The following BNIP1 variants were observed in gnomAD, a reference collection of about 807,000 sequenced individuals.
BNIP1 encodes the protein vesicle transport protein SEC20.
A neutral mutation model predicts 28.5 loss-of-function variants in BNIP1; 25 were observed. The ratio of observed to expected loss-of-function variants is 0.88; its 90% CI spans 0.64 to 1.23. The LOEUF (loss-of-function observed/expected upper bound fraction) is 1.23, where lower values mean the gene tolerates loss of function less well. Among genes scored for constraint, BNIP1 ranks in the 50% most tolerant of loss-of-function variants. The pLI is 0.00. For missense variants in BNIP1, 276 were observed against 277.0 expected (o/e 1.00, Z 0.02); for synonymous variants, 118 against 101.7 (o/e 1.16, Z -0.96).
intron 1 of BNIP1, among the ~76,000 whole-genome samples, chr5:173,146,506 G>T (rs1192883679): frequency 6.6e-6 from 1 of 152,156 alleles, no homozygotes. Flanking sequence ...AGGATCTAAG[G>T]TTCTAAAGTG....
At chr5:173,157,799 CGCCG>C in intron 3 of BNIP1, among the ~76,000 whole-genome samples, 1 of 152,210 alleles carries the variant, frequency 6.6e-6, no homozygotes, top group Middle Eastern at 3.4e-3. Flanking sequence ...ACTGTAGATC[CGCCG>C]TGTCAGTCAG....
At chr5:173,161,765 C>CGGGGG (rs1353536404) in intron 5 of BNIP1, 1 of 152,190 alleles carries the variant, frequency 6.6e-6, no homozygotes, top group African/African-American at 2.4e-5. Context: ...AGCAGGATTT[C>CGGGGG]AGAGGTTGGT....
chr5:173,160,298 G>T (rs568221679), intron 5 of BNIP1, among the ~76,000 whole-genome samples: 11 of 150,476 alleles, frequency 7.3e-5, no homozygotes, highest in Non-Finnish European at 1.3e-4. Context: ...GCAATGGTGC[G>T]ATCTCAGCTC....
chr5:173,149,224 C>T (rs1012648547), intron 2 of BNIP1, among the ~76,000 whole-genome samples: 2 of 152,152 alleles, frequency 1.3e-5, no homozygotes, highest in East Asian at 1.9e-4. Flanking sequence ...TAAAGACATA[C>T]GTGAGACTGG....
At chr5:173,163,243 C>T (rs192449439) in intron 5 of BNIP1, among the ~76,000 whole-genome samples, 112 of 152,310 alleles carry the variant, frequency 7.4e-4, no homozygotes, top group Middle Eastern at 3.4e-3. Context: ...CGGCAGAGCC[C>T]GGGACACCCT....
At chr5:173,148,770 GT>G (rs2113839782) in intron 2 of BNIP1, among the ~76,000 whole-genome samples, 1 of 137,816 alleles carries the variant, frequency 7.3e-6, no homozygotes, top group African/African-American at 2.6e-5. Context: ...TTCTTCTTCA[GT>G]TATTCAAATT....
intron 3 of BNIP1, 43 bp downstream of exon 3, chr5:173,154,456 C>G: frequency 6.6e-7 from 1 of 1,510,912 alleles, no homozygotes. Context: ...GCTGGCTCTT[C>G]TTGTTGCCTG....
chr5:173,151,768 C>T, intron 2 of BNIP1: 1 of 1,597,904 alleles, frequency 6.3e-7, no homozygotes, highest in Non-Finnish European at 8.5e-7. Context: ...ATTAAAATGA[C>T]CTCACCAATA....
intron 5 of BNIP1, 70 bp downstream of exon 5, chr5:173,160,121 C>T (rs1040445754): frequency 7.1e-7 from 1 of 1,403,632 alleles, no homozygotes; most frequent in Non-Finnish European, 9.9e-7. Context: ...CTGGCACCTC[C>T]ACTCTGGGCT....
intron 4 of BNIP1, among the ~76,000 whole-genome samples, 171 bp downstream of exon 4, chr5:173,159,016 G>T (rs1330067379): frequency 6.6e-6 from 1 of 151,860 alleles, no homozygotes; most frequent in Admixed American, 6.6e-5. Flanking sequence ...AATAAAGTAT[G>T]AATTACAAAA....
intron 3 of BNIP1, 124 bp downstream of exon 3, chr5:173,154,537 T>C: frequency 5.8e-6 from 4 of 693,810 alleles, no homozygotes; most frequent in Non-Finnish European, 9.3e-6. Context: ...TTTTTTTTTT[T>C]TGAGAGACGG....
intron 3 of BNIP1, among the ~76,000 whole-genome samples, chr5:173,158,412 G>C (rs5745157): frequency 0.099 from 15,098 of 152,272 alleles, 1,035 homozygotes; most frequent in African/African-American, 0.15. Flanking sequence ...TGACCAGCTG[G>C]GAAGTTTGGA....
At chr5:173,149,334 G>A (rs977034826) in intron 2 of BNIP1, among the ~76,000 whole-genome samples, 2 of 152,114 alleles carry the variant, frequency 1.3e-5, no homozygotes, top group African/African-American at 4.8e-5. Flanking sequence ...ATGGATGGCA[G>A]CAGGCAAAGA....
chr5:173,163,846 C>T lies in BNIP1; in HGVS notation c.612C>T (p.Leu204=), dbSNP rs1183250656. 1.9e-6 allele frequency: 3 copies of T among 1,613,984 alleles called. No individual in the cohort carries two copies. Among genetic ancestry groups the T allele is most frequent in the Non-Finnish European group, 2.5e-6 (3 of 1,179,992 alleles). The part of the protein sequence containing the change: ...YNRRELTDKL[L]IFLALALFLA... The stretch of plus-strand genomic sequence containing the variant: ...GCCGGGAGCTGACGGACAAGCTTCT[C>T]ATCTTCCTTGCGCTAGCCCTGTTTC... The change falls in exon 6 of 6, where the codon CTC becomes CTT. Residue 204 remains leucine (L), a synonymous_variant. Coordinates refer to ENST00000351486, the MANE Select transcript of BNIP1 (RefSeq NM_001205.3).
At chr5:173,163,235 G>T (rs1017082875) in intron 5 of BNIP1, among the ~76,000 whole-genome samples, 2 of 152,208 alleles carry the variant, frequency 1.3e-5, no homozygotes, top group Non-Finnish European at 2.9e-5. Context: ...AGGGCTTACG[G>T]CAGAGCCCGG....
chr5:173,161,220 A>G (rs1446106420), intron 5 of BNIP1: 2 of 168,894 alleles, frequency 1.2e-5, no homozygotes, highest in African/African-American at 2.4e-5. Context: ...CCCCATAACT[A>G]CAATACCATG....
chr5:173,162,645 G>C (rs1005329698), intron 5 of BNIP1, among the ~76,000 whole-genome samples: 4 of 151,806 alleles, frequency 2.6e-5, no homozygotes, highest in Non-Finnish European at 5.9e-5. Context: ...AAAAAGAAAA[G>C]AAACATTGTG....
In BNIP1 at chr5:173,148,634, T is replaced by C. The variant is rs1338779001; in HGVS notation, c.177+1676T>C. 2.0e-5 allele frequency among the ~76,000 whole-genome samples: 3 copies of C among 152,180 alleles called. No individual in the cohort carries two copies. In the East Asian group the frequency reaches 5.8e-4, roughly 29 times the overall value. ...GGAACAGGGTTGGCTCCTTGGCCTC[T>C]GTTTAGCCTCATGAGTAGTTCAGTA... On this transcript the variant is annotated intron_variant, in intron 2 of 5. Coordinates refer to ENST00000351486, the MANE Select transcript of BNIP1 (RefSeq NM_001205.3).
At chr5:173,158,948 C>A in intron 4 of BNIP1, 103 bp downstream of exon 4, 10 of 733,558 alleles carry the variant, frequency 1.4e-5, no homozygotes, top group South Asian at 9.2e-5. Flanking sequence ...AATTTAATTA[C>A]ATAAGTAATT....
Sources: gnomAD v4.1 joint callset for allele counts (sites outside exome capture counted in the v4.1 genomes callset) on GRCh38, gnomAD v4.1.1 for gene constraint, MANE v1.5 for transcripts, NCBI Gene and HGNC (gene_info 2026-07-23, HGNC 2026-07-21) for gene names.